SHANK2: variants seen among roughly 807,000 people sequenced by gnomAD.
The protein encoded by SHANK2 is SH3 and multiple ankyrin repeat domains protein 2.
A neutral mutation model predicts 133.7 loss-of-function variants in SHANK2; 43 were observed. The ratio of observed to expected loss-of-function variants is 0.32; its 90% CI spans 0.25 to 0.41. The LOEUF (loss-of-function observed/expected upper bound fraction) is 0.41, where lower values mean the gene tolerates loss of function less well. SHANK2 is among the 10% of genes least tolerant of loss of function. The probability of loss-of-function intolerance (pLI) is 1.00; values close to 1 mark genes in which losing one functional copy is unlikely to be tolerated. For synonymous variants in SHANK2, 1,017 were observed against 952.8 expected, an observed-to-expected ratio of 1.07 and a Z score of -1.24; for missense variants, 1,994 against 2,235.8, an observed-to-expected ratio of 0.89 and a Z score of 2.18.
chr11:71,230,909 A>G (rs756210547), intron 1 of SHANK2, among the ~76,000 whole-genome samples: 8 of 152,260 alleles, frequency 5.3e-5, no homozygotes, highest in Non-Finnish European at 1.2e-4. Context: ...CATGCCTTAT[A>G]CAAAAATTAA....
At chr11:70,812,236 T>C (rs1555053356) in intron 12 of SHANK2, among the ~76,000 whole-genome samples, 1 of 152,208 alleles carries the variant, frequency 6.6e-6, no homozygotes, top group Non-Finnish European at 1.5e-5. Flanking sequence ...CCCTAACCCA[T>C]CAACCCCAGA....
At chr11:70,742,021 G>A (rs782645608) in intron 14 of SHANK2, among the ~76,000 whole-genome samples, 2 of 152,130 alleles carry the variant, frequency 1.3e-5, no homozygotes, top group Non-Finnish European at 2.9e-5. Context: ...GGTCTCTTCC[G>A]AGTCCCCACC....
chr11:70,524,889 C>T (rs1257494797), intron 17 of SHANK2, among the ~76,000 whole-genome samples: 9 of 152,264 alleles, frequency 5.9e-5, no homozygotes, highest in Non-Finnish European at 1.5e-5. Flanking sequence ...CATACATGCT[C>T]ACACGCACAC....
intron 17 of SHANK2, among the ~76,000 whole-genome samples, chr11:70,578,804 C>T (rs1018273482): frequency 3.2e-4 from 49 of 152,186 alleles, no homozygotes; most frequent in African/African-American, 9.7e-5. Flanking sequence ...GGGATGATTG[C>T]TCTTTCCTTG....
intron 11 of SHANK2, among the ~76,000 whole-genome samples, chr11:70,883,766 C>A (rs1949694546): frequency 6.6e-6 from 1 of 152,204 alleles, no homozygotes; most frequent in African/African-American, 2.4e-5. Flanking sequence ...CCGGCCTCCA[C>A]CTGGGCTAGG....
chr11:71,066,155 G>A (rs1158668183), intron 9 of SHANK2, among the ~76,000 whole-genome samples: 3 of 34,640 alleles, frequency 8.7e-5, no homozygotes, highest in Admixed American at 3.1e-4. Context: ...GGGTGGGGGG[G>A]GTGCAGAACT....
At chr11:70,528,789 G>C (rs1364781079) in intron 17 of SHANK2, among the ~76,000 whole-genome samples, 2 of 152,018 alleles carry the variant, frequency 1.3e-5, no homozygotes, top group Non-Finnish European at 2.9e-5. Context: ...AGGGTGAAAG[G>C]TGAAGGGGGG....
chr11:70,484,231 C>A (rs2058772137), intron 25 of SHANK2, among the ~76,000 whole-genome samples: 1 of 152,298 alleles, frequency 6.6e-6, no homozygotes, highest in Middle Eastern at 3.4e-3. Context: ...GTGTTCCCAC[C>A]CAAATCTCAT....
At chr11:70,904,122 G>C (rs879956627) in intron 10 of SHANK2, among the ~76,000 whole-genome samples, 3 of 152,124 alleles carry the variant, frequency 2.0e-5, no homozygotes, top group Non-Finnish European at 4.4e-5. Context: ...TTCCTCGCTT[G>C]GTGTTGCCTG....
rs572733706 is a variant in SHANK2 at position 70,500,139 on chromosome 11, CCACAGGG to C, written c.2308+424_2308+430del. On this transcript the variant is annotated intron_variant, in intron 21 of 25. Coordinates refer to ENST00000601538, the MANE Select transcript of SHANK2 (RefSeq NM_012309.5). The surrounding 1 kb of genome is among the most constrained non-coding windows in gnomAD (Gnocchi z 4.5). ...ACTGCTCCCTTCTCCTTCTAGTGCC[CCACAGGG>C]CACAGGGCAGCCTCTTGGGGAATGG... 2.5e-3 allele frequency among the ~76,000 whole-genome samples: 376 copies of C among 152,216 alleles called. 2 individuals are homozygous for C. Among genetic ancestry groups the C allele is most frequent in the African/African-American group, 8.7e-3 (363 of 41,532 alleles).
chr11:70,492,287 G>C, intron 22 of SHANK2, 48 bp downstream of exon 22: 1 of 1,601,852 alleles, frequency 6.2e-7, no homozygotes, highest in Admixed American at 1.7e-5. Flanking sequence ...CCCACTTCCT[G>C]GGCACCGTCG....
chr11:70,548,457 C>G (rs1161368983), intron 17 of SHANK2, among the ~76,000 whole-genome samples: 3 of 152,206 alleles, frequency 2.0e-5, no homozygotes, highest in Admixed American at 2.0e-4. Flanking sequence ...GCCCGTCTCC[C>G]GCTGGGCTCC....
intron 1 of SHANK2, among the ~76,000 whole-genome samples, chr11:71,233,550 C>T (rs546961552): frequency 8.5e-5 from 13 of 152,208 alleles, no homozygotes; most frequent in African/African-American, 2.4e-4. Flanking sequence ...AAATCGACTC[C>T]GATGGTTGCA....
chr11:70,648,683 G>T (rs146219078), intron 17 of SHANK2, among the ~76,000 whole-genome samples: 1 of 152,128 alleles, frequency 6.6e-6, no homozygotes, highest in Non-Finnish European at 1.5e-5. Flanking sequence ...GGCTTCTCAC[G>T]CTCTCTCTGA....
intron 14 of SHANK2, among the ~76,000 whole-genome samples, chr11:70,715,128 A>C (rs1945881413): frequency 1.3e-5 from 2 of 152,198 alleles, no homozygotes; most frequent in Non-Finnish European, 2.9e-5. Flanking sequence ...TTTTGAAAGG[A>C]TAAATCTCAG....
At chr11:70,856,022 AATTG>A (rs1258362594) in intron 11 of SHANK2, among the ~76,000 whole-genome samples, 15 of 151,754 alleles carry the variant, frequency 9.9e-5, no homozygotes, top group Non-Finnish European at 1.0e-4. Flanking sequence ...CAGATGAATA[AATTG>A]ATGGATGGAT....
At chr11:70,703,230 T>C (rs1945578683) in intron 14 of SHANK2, among the ~76,000 whole-genome samples, 1 of 152,106 alleles carries the variant, frequency 6.6e-6, no homozygotes, top group South Asian at 2.1e-4. Flanking sequence ...CTGTGTCTGG[T>C]TTACGGGTGA....
intron 14 of SHANK2, among the ~76,000 whole-genome samples, chr11:70,771,731 G>A (rs2135052981): frequency 6.6e-6 from 1 of 152,278 alleles, no homozygotes; most frequent in East Asian, 1.9e-4. Flanking sequence ...TGGGCTGCCG[G>A]CCAGCCTGCC....
At chr11:70,728,562 GC>G (rs1946220511) in intron 14 of SHANK2, among the ~76,000 whole-genome samples, 1 of 152,328 alleles carries the variant, frequency 6.6e-6, no homozygotes, top group Admixed American at 6.5e-5. Context: ...ACGGGGCTGG[GC>G]TTTTTGAGTC....
Sources: gnomAD v4.1 joint callset for allele counts (sites outside exome capture counted in the v4.1 genomes callset) on GRCh38, gnomAD v4.1.1 for gene constraint, Gnocchi (gnomAD v3.1) non-coding constraint, MANE v1.5 for transcripts, NCBI Gene and HGNC (gene_info 2026-07-23, HGNC 2026-07-21) for gene names.